Variants in CREBBP observed in about 807,000 individuals in gnomAD.
The protein encoded by CREBBP is CREB-binding protein.
Under a neutral mutation model 265.0 loss-of-function variants are expected in CREBBP, and 19 were observed. The ratio of observed to expected loss-of-function variants is 0.07; its 90% CI spans 0.05 to 0.11. CREBBP has a LOEUF of 0.11. Ranked by LOEUF, CREBBP falls within the 10% of genes least tolerant of loss-of-function variation. The pLI is 1.00. For missense variants in CREBBP, 2,525 were observed against 3,219.0 expected, an observed-to-expected ratio of 0.78 and a Z score of 5.22; for synonymous variants, 1,457 against 1,223.7, an observed-to-expected ratio of 1.19 and a Z score of -3.98.
intron 2 of CREBBP, among the ~76,000 whole-genome samples, chr16:3,835,574 TTC>T (rs1350308003): frequency 1.4e-5 from 2 of 147,448 alleles, no homozygotes; most frequent in African/African-American, 5.2e-5. Flanking sequence ...AGAAGATTTC[TTC>T]TTTTTTTTTT....
At position 3,849,432 on chromosome 16, in the gene CREBBP, T is replaced by TGTGTGTG. The variant is rs2054754276; in HGVS notation, c.798+858_798+864dup. 1.2e-3 allele frequency among the ~76,000 whole-genome samples: 11 copies of TGTGTGTG among 9,076 alleles called. 1 individual carries two copies. Among genetic ancestry groups the TGTGTGTG allele is most frequent in the South Asian group, 9.4e-3 (1 of 106 alleles). 6.0% of individuals were successfully genotyped at this position (9,076 alleles called of 152,430 possible). A position where few individuals can be genotyped will look rare whatever the true frequency, so the allele number is the denominator to read the frequency against. ...GTGTGTGTGTGTGTGTGTGTGTGTG[T>TGTGTGTG]GTGTGTGTGTGTGTGTGTGTGTGTG... On this transcript the variant is annotated intron_variant, in intron 2 of 30. Coordinates refer to ENST00000262367, the MANE Select transcript of CREBBP (RefSeq NM_004380.3).
At chr16:3,812,230 G>C (rs1377466790) in intron 2 of CREBBP, among the ~76,000 whole-genome samples, 1 of 152,094 alleles carries the variant, frequency 6.6e-6, no homozygotes, top group African/African-American at 2.4e-5. Flanking sequence ...CCAGGCTGGA[G>C]TGCAGTGGCG....
chr16:3,764,838 C>T (rs1392226862), intron 16 of CREBBP, among the ~76,000 whole-genome samples: 1 of 152,036 alleles, frequency 6.6e-6, no homozygotes, highest in Non-Finnish European at 1.5e-5. Context: ...CCACTTTGGC[C>T]TTCCAAAGTG....
rs1292924395 is a variant in CREBBP, at chr16:3,777,640, G to T, written c.2131C>A (p.Pro711Thr). Reference protein sequence around the residue: ...VRPPNGPLSLPVNRMQVSQGM... With the variant: ...VRPPNGPLSLTVNRMQVSQGM... ...TGAGAAACTTGCATGCGATTCACTG[G>T]CAGGGACAGGGGTCCATCTATGGTG... Residue 711 changes from proline to threonine, a missense_variant, in exon 11 of 31, where the codon CCA (proline) becomes ACA (threonine). Coordinates refer to ENST00000262367, the MANE Select transcript of CREBBP (RefSeq NM_004380.3). The T allele has an allele frequency of 6.2e-7, 1 of 1,614,110 alleles. No individual in the cohort carries two copies. Among genetic ancestry groups the T allele is most frequent in the African/African-American group, 1.3e-5 (1 of 75,038 alleles).
In CREBBP at chr16:3,863,246, T is replaced by C. The variant is rs540587955; in HGVS notation, c.86-12237A>G. On this transcript the variant is annotated intron_variant, in intron 1 of 30. Coordinates refer to ENST00000262367, the MANE Select transcript of CREBBP (RefSeq NM_004380.3). Reference sequence around the variant, plus strand: ...ATGCACTTGATGGCTGTACTCTGTATCAGGTATCAAAAAACATCCTGCTTC... The same window carrying C: ...ATGCACTTGATGGCTGTACTCTGTACCAGGTATCAAAAAACATCCTGCTTC... Among the ~76,000 whole-genome samples the C allele has an allele frequency of 3.6e-4, 55 of 152,338 alleles. No individual in the cohort carries two copies. In the South Asian group the frequency reaches 7.0e-3, roughly 19 times the overall value.
intron 28 of CREBBP, among the ~76,000 whole-genome samples, chr16:3,734,775 A>G (rs758650639): frequency 2.6e-5 from 4 of 152,062 alleles, no homozygotes; most frequent in Non-Finnish European, 5.9e-5. Context: ...CTGTGCAGTG[A>G]GCACGAGTGT....
In CREBBP at chr16:3,817,595, A is replaced by G. The variant is rs557539137; in HGVS notation, c.799-6816T>C. ...GAGAAAAGTCAAGTCAAGTCCTTCA[A>G]TATCATCAGAAAAACTCCTGATATT... On this transcript the variant is annotated intron_variant, in intron 2 of 30. Transcript: ENST00000262367. Among the ~76,000 whole-genome samples, 5 of 152,350 alleles carry G rather than the reference A, an allele frequency of 3.3e-5. No individual in the cohort carries two copies. The South Asian group carries it at 1.0e-3, about 32-fold the overall frequency.
intron 26 of CREBBP, among the ~76,000 whole-genome samples, chr16:3,737,278 G>C (rs745763158): frequency 7.5e-6 from 1 of 132,944 alleles, no homozygotes; most frequent in Non-Finnish European, 1.5e-5. Flanking sequence ...CAGGTCTAGA[G>C]TACAGAAACC....
rs2141198463 is a variant in CREBBP, at chr16:3,770,578, C to T, written c.2872G>A (p.Gly958Ser). The stretch of plus-strand genomic sequence containing the variant: ...GAGACAGAGAGGCTTACCGGTGTGC[C>T]AGGAGGCTGGGCGTGCACAGGCGTC... ...QPTPVHAQPP[G>S]TPLSQAAASI... Residue 958 changes from glycine to serine, a missense_variant, in exon 14 of 31, where the codon GGC becomes AGC. Physicochemically the swap from Gly to Ser is moderately conservative, Grantham distance 56 (BLOSUM62 0). Transcript: ENST00000262367. 7 of 1,613,218 alleles carry T rather than the reference C, an allele frequency of 4.3e-6. No homozygotes were observed. Among genetic ancestry groups the T allele is most frequent in the Non-Finnish European group, 5.9e-6 (7 of 1,179,998 alleles).
intron 23 of CREBBP, 45 bp downstream of exon 23, chr16:3,744,849 T>G (rs2052302135): frequency 1.4e-6 from 2 of 1,428,230 alleles, no homozygotes; most frequent in Non-Finnish European, 2.0e-6. Context: ...TCTACAAGTT[T>G]CTAAAATGTG....
rs1410337834 is a variant in CREBBP, at chr16:3,726,253, C to T, written c.*1465G>A. ...GGAGTCGTGTACGGGGGGGGGGAGC[C>T]GCCTGAACACGGGAAGAAGCGCCGC... On this transcript the variant is annotated 3_prime_UTR_variant, in exon 31 of 31. Transcript: ENST00000262367. 3.0e-5 allele frequency: 7 copies of T among 232,968 alleles called. No homozygotes were observed. The highest frequency in any genetic ancestry group is 6.0e-5 in the East Asian group (1 of 16,578). The allele number at this position is 232,968 out of a possible 1,614,324, so 14.4% of individuals were successfully genotyped here.
chr16:3,735,825 C>T (rs1288540666), intron 28 of CREBBP, among the ~76,000 whole-genome samples: 1 of 152,194 alleles, frequency 6.6e-6, no homozygotes, highest in Non-Finnish European at 1.5e-5. Flanking sequence ...TCTAAGTGGA[C>T]CCCCAGCTCC....
intron 2 of CREBBP, among the ~76,000 whole-genome samples, chr16:3,817,093 G>A (rs995629504): frequency 1.3e-5 from 2 of 152,342 alleles, no homozygotes; most frequent in East Asian, 1.9e-4. Flanking sequence ...CGGGCAGAAC[G>A]AGAACAGGCC....
intron 2 of CREBBP, among the ~76,000 whole-genome samples, chr16:3,842,789 A>T (rs1250516027): frequency 2.0e-5 from 3 of 151,854 alleles, no homozygotes; most frequent in Non-Finnish European, 4.4e-5. Context: ...ACATGGTGAA[A>T]CCCCGTCTCT....
At position 3,773,844 on chromosome 16, in the gene CREBBP, C is replaced by G. The variant is rs2053072467; in HGVS notation, c.2370G>C (p.Gln790His). Residue 790 changes from glutamine to histidine, a missense_variant, in exon 13 of 31, where the codon CAG becomes CAC. Transcript: ENST00000262367. ...ACTGGTTCTGTGGCAGAAACTGGCT[C>G]TGAGCGGGCGCCTGGGCCATCATGT... ...TNNMMAQAPA[Q>H]SQFLPQNQFP... The G allele has an allele frequency of 6.2e-7, 1 of 1,612,638 alleles. No individual in the cohort carries two copies.
At chr16:3,802,243 T>C (rs2053731873) in intron 3 of CREBBP, among the ~76,000 whole-genome samples, 1 of 146,560 alleles carries the variant, frequency 6.8e-6, no homozygotes, top group East Asian at 2.1e-4. Context: ...GCAATTCTCC[T>C]GTCTCACCCT....
chr16:3,816,311 A>T (rs1222321759), intron 2 of CREBBP, among the ~76,000 whole-genome samples: 1 of 152,216 alleles, frequency 6.6e-6, no homozygotes, highest in East Asian at 1.9e-4. Context: ...AGAGAGTAAA[A>T]ATATGTAATG....
In CREBBP at chr16:3,726,228, G is replaced by A. The variant is rs944004010; in HGVS notation, c.*1490C>T. On this transcript the variant is annotated 3_prime_UTR_variant, in exon 31 of 31. Coordinates refer to ENST00000262367, the MANE Select transcript of CREBBP (RefSeq NM_004380.3). ...GGAGCACTCTCTGCCTCAGATTCTG[G>A]GAGTCGTGTACGGGGGGGGGGAGCC... 4.3e-6 allele frequency: 1 copy of A among 230,150 alleles called. No homozygotes were observed. The highest frequency in any genetic ancestry group is 8.6e-6 in the Non-Finnish European group (1 of 116,716). 14.3% of individuals were successfully genotyped at this position (230,150 alleles called of 1,614,324 possible).
intron 5 of CREBBP, among the ~76,000 whole-genome samples, chr16:3,791,006 G>C (rs774875066): frequency 3.9e-5 from 6 of 152,136 alleles, no homozygotes; most frequent in African/African-American, 9.7e-5. Context: ...TGAGAGGAAT[G>C]AACACGTAAT....
Sources: allele counts gnomAD v4.1 joint callset (sites outside exome capture counted in the v4.1 genomes callset), GRCh38; gene constraint gnomAD v4.1.1; transcripts MANE v1.5; gene names NCBI Gene and HGNC (gene_info 2026-07-23, HGNC 2026-07-21).